The following SMYD3 variants were observed in gnomAD, a reference collection of about 807,000 sequenced individuals.
The protein encoded by SMYD3 is SET and MYND domain containing 3.
In SMYD3, 36 loss-of-function variants were observed where a neutral mutation model predicts 57.7. The observed-to-expected ratio is 0.62, with a 90% CI of 0.48 to 0.82. The LOEUF is 0.82. Among genes scored for constraint, SMYD3 ranks in the 40% least tolerant of loss-of-function variants. The pLI is 0.00. For synonymous variants in SMYD3, 211 were observed against 195.0 expected (o/e 1.08, Z -0.68); for missense variants, 515 against 538.8 (o/e 0.96, Z 0.44).
Position 246,062,473 on chromosome 1 carries a change from A to G in SMYD3, c.532-132536T>C, listed in dbSNP as rs554536616. 1.9e-3 allele frequency among the ~76,000 whole-genome samples: 284 copies of G among 152,276 alleles called. 1 individual carries two copies. The highest frequency in any genetic ancestry group is 6.3e-3 in the African/African-American group (260 of 41,562). On this transcript the variant is annotated intron_variant, in intron 5 of 11. Transcript: ENST00000490107. ...CTTGTGACACCAGAAGAGGACAAAA[A>G]TTGTCCTAGTGATGATGAACCTAAT...
At chr1:246,366,805 C>T (rs2066110405) in intron 1 of SMYD3, among the ~76,000 whole-genome samples, 1 of 151,732 alleles carries the variant, frequency 6.6e-6, no homozygotes, top group Admixed American at 6.6e-5. Flanking sequence ...GTGGTGTGTG[C>T]CTGTAATCCC....
intron 10 of SMYD3, among the ~76,000 whole-genome samples, chr1:245,822,686 C>G (rs1306317098): frequency 6.6e-6 from 1 of 152,128 alleles, no homozygotes; most frequent in Non-Finnish European, 1.5e-5. Flanking sequence ...GAGGGTGAAG[C>G]CTCACTTACC....
chr1:246,481,075 C>T (rs2068093147), intron 1 of SMYD3, among the ~76,000 whole-genome samples: 1 of 152,170 alleles, frequency 6.6e-6, no homozygotes, highest in Admixed American at 6.5e-5. Flanking sequence ...GCTGGGATTA[C>T]AGCCACTGTG....
chr1:246,249,762 C>T (rs1050075234), intron 5 of SMYD3, among the ~76,000 whole-genome samples: 6 of 152,142 alleles, frequency 3.9e-5, no homozygotes, highest in Non-Finnish European at 7.3e-5. Flanking sequence ...GATCAGGTCA[C>T]GTTAAGTCTA....
intron 5 of SMYD3, among the ~76,000 whole-genome samples, chr1:246,082,641 CTCTT>C (rs975160344): frequency 8.7e-4 from 132 of 152,306 alleles, no homozygotes; most frequent in African/African-American, 3.0e-3. Flanking sequence ...ATTAATTAAA[CTCTT>C]TCTTTACTGC....
At chr1:246,328,898 T>A (rs1056719868) in intron 4 of SMYD3, among the ~76,000 whole-genome samples, 2 of 150,518 alleles carry the variant, frequency 1.3e-5, no homozygotes, top group East Asian at 2.0e-4. Flanking sequence ...TGTCCATGTG[T>A]TCTCATTGTT....
chr1:245,828,809 T>C (rs542385259), intron 10 of SMYD3, among the ~76,000 whole-genome samples: 1 of 152,042 alleles, frequency 6.6e-6, no homozygotes, highest in Non-Finnish European at 1.5e-5. Context: ...TTCAAGCATT[T>C]CTTGTGCCTC....
chr1:246,045,438 G>C (rs984845026), intron 5 of SMYD3, among the ~76,000 whole-genome samples: 3 of 152,128 alleles, frequency 2.0e-5, no homozygotes, highest in African/African-American at 7.2e-5. Flanking sequence ...TATGTAGAAA[G>C]CTGAAACTGG....
Position 245,978,416 on chromosome 1 carries a change from A to T in SMYD3, c.532-48479T>A, listed in dbSNP as rs540943063. Reference sequence around the variant, plus strand: ...ATTCAACTAAGAGTTCCCACAAAAAATAAGTACAACAGTCACCATTCCAGT... The same window carrying T: ...ATTCAACTAAGAGTTCCCACAAAAATTAAGTACAACAGTCACCATTCCAGT... On this transcript the variant is annotated intron_variant, in intron 5 of 11. Coordinates refer to ENST00000490107, the MANE Select transcript of SMYD3 (RefSeq NM_001167740.2). Among the ~76,000 whole-genome samples the T allele has an allele frequency of 3.3e-5, 5 of 152,364 alleles. No individual in the cohort carries two copies. The East Asian group carries it at 9.6e-4, about 29-fold the overall frequency.
At chr1:246,090,219 T>C (rs758882376) in intron 5 of SMYD3, among the ~76,000 whole-genome samples, 32 of 152,324 alleles carry the variant, frequency 2.1e-4, no homozygotes, top group Non-Finnish European at 3.7e-4. Context: ...AAGGTATATA[T>C]GAATGGCCAA....
At chr1:246,290,836 C>T (rs1370626106) in intron 5 of SMYD3, among the ~76,000 whole-genome samples, 1 of 152,144 alleles carries the variant, frequency 6.6e-6, no homozygotes, top group Non-Finnish European at 1.5e-5. Flanking sequence ...ATTTACCACA[C>T]TGATGTCTTC....
intron 5 of SMYD3, among the ~76,000 whole-genome samples, chr1:245,969,473 T>A (rs752392391): frequency 6.6e-6 from 1 of 152,242 alleles, no homozygotes. Flanking sequence ...GCCAGGGTAT[T>A]TGTCTGACCC....
At chr1:246,176,825 A>G (rs976994830) in intron 5 of SMYD3, among the ~76,000 whole-genome samples, 1 of 152,136 alleles carries the variant, frequency 6.6e-6, no homozygotes, top group Non-Finnish European at 1.5e-5. Flanking sequence ...ACCAGCCTAT[A>G]CTGGCCGTTT....
chr1:245,849,975 G>C (rs2050878708), intron 10 of SMYD3, among the ~76,000 whole-genome samples: 1 of 122,026 alleles, frequency 8.2e-6, no homozygotes, highest in Admixed American at 8.6e-5. Context: ...TGATGACAGA[G>C]AGAAAAGGTA....
chr1:246,163,180 A>G (rs1035489653), intron 5 of SMYD3, among the ~76,000 whole-genome samples: 8 of 152,224 alleles, frequency 5.3e-5, no homozygotes, highest in Non-Finnish European at 1.0e-4. Flanking sequence ...AACCACAACT[A>G]TATATGACTA....
chr1:246,165,092 G>A (rs750711348), intron 5 of SMYD3, among the ~76,000 whole-genome samples: 6 of 152,174 alleles, frequency 3.9e-5, no homozygotes, highest in Non-Finnish European at 7.3e-5. Context: ...AGGGAAAAGC[G>A]TTCCCGAAAG....
intron 1 of SMYD3, among the ~76,000 whole-genome samples, chr1:246,477,218 T>C (rs1321282346): frequency 6.6e-6 from 1 of 152,246 alleles, no homozygotes; most frequent in African/African-American, 2.4e-5. Flanking sequence ...GTTTTCTTTG[T>C]GTATGCATCC....
chr1:245,871,992 T>G (rs2052220099), intron 8 of SMYD3, among the ~76,000 whole-genome samples: 2 of 152,116 alleles, frequency 1.3e-5, no homozygotes, highest in Admixed American at 6.5e-5. Context: ...CCGGGAAGGC[T>G]CTTCCTCAAC....
At chr1:246,410,431 T>C (rs1233714544) in intron 1 of SMYD3, among the ~76,000 whole-genome samples, 3 of 152,250 alleles carry the variant, frequency 2.0e-5, no homozygotes, top group East Asian at 1.9e-4. Context: ...GAGATAATCA[T>C]GTGGTTTTTG....
Sources: allele counts gnomAD v4.1 joint callset (sites outside exome capture counted in the v4.1 genomes callset), GRCh38; gene constraint gnomAD v4.1.1; transcripts MANE v1.5; gene names NCBI Gene and HGNC (gene_info 2026-07-23, HGNC 2026-07-21).